LIFR: variants seen among roughly 807,000 people sequenced by gnomAD.
LIFR encodes leukemia inhibitory factor receptor.
A neutral mutation model predicts 122.2 loss-of-function variants in LIFR; 84 were observed. That is an observed-to-expected ratio of 0.69 (90% CI 0.58 to 0.82). LIFR has a LOEUF of 0.82. LIFR is among the 40% of genes least tolerant of loss of function. LIFR has a pLI of 0.00. For synonymous variants in LIFR, 422 were observed against 434.7 expected (o/e 0.97, Z 0.36); for missense variants, 1,294 against 1,311.6 (o/e 0.99, Z 0.21).
intron 1 of LIFR, among the ~76,000 whole-genome samples, chr5:38,549,777 C>T (rs898400052): frequency 3.9e-5 from 6 of 152,092 alleles, no homozygotes; most frequent in Non-Finnish European, 5.9e-5. Flanking sequence ...GGCAACACAG[C>T]GAGACTCCGT....
Position 38,477,111 on chromosome 5 carries a change from T to C in LIFR, c.*4484A>G, listed in dbSNP as rs749520316. ...TTACACTGGCACTAAAAATAGTTCA[T>C]CTGTAATAAGCATGAATACGACCAT... On this transcript the variant is annotated 3_prime_UTR_variant, in exon 20 of 20. Coordinates refer to ENST00000453190, the MANE Select transcript of LIFR (RefSeq NM_001127671.2). 29 of 223,568 alleles carry C rather than the reference T, an allele frequency of 1.3e-4. No individual in the cohort carries two copies. The highest frequency in any genetic ancestry group is 2.4e-4 in the Non-Finnish European group (27 of 112,058). 13.8% of individuals were successfully genotyped at this position (223,568 alleles called of 1,614,324 possible).
In LIFR at chr5:38,523,203, T is replaced by C. The variant is rs1822815; in HGVS notation, c.561+216A>G. 0.31 allele frequency among the ~76,000 whole-genome samples: 46,601 copies of C among 151,998 alleles called. 7,430 individuals are homozygous for C. Among genetic ancestry groups the C allele is most frequent in the East Asian group, 0.42 (2,174 of 5,178 alleles). On this transcript the variant is annotated intron_variant, in intron 5 of 19. Coordinates refer to ENST00000453190, the MANE Select transcript of LIFR (RefSeq NM_001127671.2). ...AAGTGGTAGAATCACGGCTTATTTCTCCCCTAATTTCCTATGCTATCTGTA... is the reference window on the plus strand; with the variant it reads ...AAGTGGTAGAATCACGGCTTATTTCCCCCCTAATTTCCTATGCTATCTGTA...
At chr5:38,495,616 A>G (rs1204957726) in intron 13 of LIFR, among the ~76,000 whole-genome samples, 1 of 152,184 alleles carries the variant, frequency 6.6e-6, no homozygotes, top group Non-Finnish European at 1.5e-5. Context: ...AACTGGACCA[A>G]TTTTTCTTCC....
chr5:38,505,780 GAAATT>G lies in LIFR; in HGVS notation c.1291+120_1291+124del, dbSNP rs529525943. ...TAAAGTTTTTATAAATAAAATTTAT[GAAATT>G]AATATTAAGTAACTATAAAGAAAAT... On this transcript the variant is annotated intron_variant, in intron 9 of 19. Coordinates refer to ENST00000453190, the MANE Select transcript of LIFR (RefSeq NM_001127671.2). 1.6e-3 allele frequency: 613 copies of G among 393,844 alleles called. 5 individuals carry two copies. Among genetic ancestry groups the G allele is most frequent in the African/African-American group, 0.012 (563 of 47,886 alleles). 24.4% of individuals were successfully genotyped at this position (393,844 alleles called of 1,614,324 possible).
At chr5:38,498,820 A>G (rs1745022857) in intron 12 of LIFR, among the ~76,000 whole-genome samples, 2 of 152,308 alleles carry the variant, frequency 1.3e-5, no homozygotes, top group South Asian at 4.1e-4. Context: ...TGGAACTCAC[A>G]TTGAACCTGC....
intron 2 of LIFR, among the ~76,000 whole-genome samples, chr5:38,601,802 C>A (rs1187951598): frequency 6.6e-6 from 1 of 152,148 alleles, no homozygotes; most frequent in Non-Finnish European, 1.5e-5. Context: ...GTATCTCTAG[C>A]CTAAACTCCA....
At chr5:38,573,476 A>G (rs1749281287) in intron 1 of LIFR, among the ~76,000 whole-genome samples, 1 of 152,246 alleles carries the variant, frequency 6.6e-6, no homozygotes, top group South Asian at 2.1e-4. Context: ...TAAGCATTCA[A>G]CAAATATTAG....
chr5:38,511,433 T>C (rs1018776394), intron 6 of LIFR, among the ~76,000 whole-genome samples: 2 of 152,160 alleles, frequency 1.3e-5, no homozygotes, highest in African/African-American at 4.8e-5. Context: ...ATGCAGCCTC[T>C]AGGGGTCTGC....
chr5:38,580,559 CCCCACCTAGATCTGT>C (rs529684034), intron 1 of LIFR, among the ~76,000 whole-genome samples: 3 of 152,156 alleles, frequency 2.0e-5, no homozygotes, highest in Admixed American at 6.5e-5. Context: ...TGGCCTTCTG[CCCCACCTAGATCTGT>C]CTCCACCCCA....
rs1203372166 is a variant in LIFR, at chr5:38,491,496, C to T, written c.2066-1205G>A. 2.0e-5 allele frequency among the ~76,000 whole-genome samples: 3 copies of T among 152,178 alleles called. No homozygotes were observed. The East Asian group carries it at 5.8e-4, about 29-fold the overall frequency. The stretch of plus-strand genomic sequence containing the variant: ...TAAGGCCTTGAAGGGCAATTAGATG[C>T]TCATCAGTGGTGGTCGAGAAAGAAG... On this transcript the variant is annotated intron_variant, in intron 14 of 19. Coordinates refer to ENST00000453190, the MANE Select transcript of LIFR (RefSeq NM_001127671.2).
In LIFR at chr5:38,516,397, G is replaced by A. The variant is rs142087318; in HGVS notation, c.562-4433C>T. ...AATCAAACAACCCCATCAAAAAAGC[G>A]GGCAAACGATATGCACAGACACTTC... is the stretch of plus-strand genomic sequence containing the variant. On this transcript the variant is annotated intron_variant, in intron 5 of 19. Coordinates refer to ENST00000453190, the MANE Select transcript of LIFR (RefSeq NM_001127671.2). Among the ~76,000 whole-genome samples, 623 of 152,144 alleles carry A rather than the reference G, an allele frequency of 4.1e-3. 2 individuals are homozygous for A. The highest frequency in any genetic ancestry group is 8.9e-3 in the South Asian group (43 of 4,810).
At chr5:38,485,275 G>T (rs114733089) in intron 17 of LIFR, among the ~76,000 whole-genome samples, 1 of 152,112 alleles carries the variant, frequency 6.6e-6, no homozygotes, top group East Asian at 1.9e-4. Flanking sequence ...ATCACTCTCC[G>T]TTGAGAATCA....
Position 38,483,138 on chromosome 5 carries a change from G to A in LIFR, c.2592-471C>T, listed in dbSNP as rs577133923. On this transcript the variant is annotated intron_variant, in intron 18 of 19. Coordinates refer to ENST00000453190, the MANE Select transcript of LIFR (RefSeq NM_001127671.2). ...GCCAAAAATGAGATTTGCCTTTACC[G>A]AGGTGGTCATAAAAGTGATAGCCAC... Among the ~76,000 whole-genome samples the A allele has an allele frequency of 1.5e-4, 23 of 151,584 alleles. No individual in the cohort carries two copies. In the South Asian group the frequency reaches 3.4e-3, roughly 22 times the overall value.
At chr5:38,518,545 C>T (rs1236426972) in intron 5 of LIFR, among the ~76,000 whole-genome samples, 4 of 152,120 alleles carry the variant, frequency 2.6e-5, no homozygotes, top group Non-Finnish European at 4.4e-5. Context: ...CATAGTGCAA[C>T]GTATTACTCA....
chr5:38,486,575 G>T (rs894334509), intron 16 of LIFR, among the ~76,000 whole-genome samples: 1 of 152,092 alleles, frequency 6.6e-6, no homozygotes, highest in Non-Finnish European at 1.5e-5. Context: ...AGGATAACAG[G>T]TTAAAAAATT....
Position 38,482,147 on chromosome 5 carries a change from T to G in LIFR, c.2742A>C (p.Arg914=). 6.3e-7 allele frequency: 1 copy of G among 1,585,514 alleles called. No homozygotes were observed. Among genetic ancestry groups the G allele is most frequent in the South Asian group, 1.2e-5 (1 of 84,970 alleles). ...TPNNVEVLET[R]SAFPKIEDTE... ...TATCTTCTATTTTAGGAAATGCTGA[T>G]CGAGTTTCCAGAACCTCAACATTAT... Residue 914 remains arginine (R), a synonymous_variant, in exon 20 of 20, where the codon CGA becomes CGC. Transcript: ENST00000453190.
rs6884700 is a variant in LIFR at position 38,487,278 on chromosome 5, G to A, written c.2336-1298C>T. On this transcript the variant is annotated intron_variant, in intron 16 of 19. Transcript: ENST00000453190. ...GGGGAAAGTAAATGTTTGCAGCCTC[G>A]CATGTACAAAATATCTGCATTTCTC... is the stretch of plus-strand genomic sequence containing the variant. Among the ~76,000 whole-genome samples, 828 of 152,286 alleles carry A rather than the reference G, an allele frequency of 5.4e-3. 13 individuals carry two copies. Among genetic ancestry groups the A allele is most frequent in the African/African-American group, 0.019 (788 of 41,560 alleles).
rs1264741123 is a variant in LIFR at position 38,499,594 on chromosome 5, G to T, written c.1601-11C>A. On this transcript the variant is annotated splice_polypyrimidine_tract_variant and intron_variant, in intron 11 of 19. Coordinates refer to ENST00000453190, the MANE Select transcript of LIFR (RefSeq NM_001127671.2). ...GCCCCTTTGAAGGACCTAAAAAGGA[G>T]ATTTTAAAGTTAATATCTGAAGACA... is the stretch of plus-strand genomic sequence containing the variant. 3 of 1,584,832 alleles carry T rather than the reference G, an allele frequency of 1.9e-6. No individual in the cohort carries two copies. The highest frequency in any genetic ancestry group is 2.6e-6 in the Non-Finnish European group (3 of 1,153,486).
intron 1 of LIFR, among the ~76,000 whole-genome samples, chr5:38,569,824 C>T (rs1561216946): frequency 3.9e-5 from 6 of 152,188 alleles, no homozygotes; most frequent in Admixed American, 3.3e-4. Flanking sequence ...CCTCCTCTTT[C>T]CGAAGAATCT....
Sources: gnomAD v4.1 joint callset for allele counts (sites outside exome capture counted in the v4.1 genomes callset) on GRCh38, gnomAD v4.1.1 for gene constraint, MANE v1.5 for transcripts, NCBI Gene and HGNC (gene_info 2026-07-23, HGNC 2026-07-21) for gene names.